Variants in RPH3A observed in about 807,000 individuals in gnomAD.
The protein encoded by RPH3A is rabphilin 3A, also known as rabphilin-3A.
RPH3A carries 48 observed loss-of-function variants against 102.2 expected under a neutral mutation model. That is an observed-to-expected ratio of 0.47 (90% CI 0.37 to 0.60). RPH3A has a LOEUF of 0.60. Among genes scored for constraint, RPH3A ranks in the 20% least tolerant of loss-of-function variants. The pLI, the probability that RPH3A is intolerant of heterozygous loss-of-function variation, is 0.00. For missense variants in RPH3A, 781 were observed against 910.1 expected, an observed-to-expected ratio of 0.86 and a Z score of 1.83; for synonymous variants, 310 against 324.3, an observed-to-expected ratio of 0.96 and a Z score of 0.47.
chr12:112,883,478 G>T (rs1700976559), intron 16 of RPH3A, 76 bp downstream of exon 16: 3 of 990,190 alleles, frequency 3.0e-6, no homozygotes, highest in South Asian at 2.6e-5. Flanking sequence ...TTGGGGTGAG[G>T]CCCCCAGGGC....
At chr12:112,726,277 G>C (rs1214518477) in intron 1 of RPH3A, among the ~76,000 whole-genome samples, 1 of 152,080 alleles carries the variant, frequency 6.6e-6, no homozygotes, top group African/African-American at 2.4e-5. Context: ...ACCACACCTA[G>C]CTAATTTTTG....
chr12:112,597,103 A>G (rs376634035), intron 1 of RPH3A, among the ~76,000 whole-genome samples: 2 of 152,302 alleles, frequency 1.3e-5, no homozygotes, highest in South Asian at 2.1e-4. Context: ...TATCTGCATA[A>G]AATCATAGGA....
At chr12:112,885,755 T>G (rs1593128548) in intron 16 of RPH3A, among the ~76,000 whole-genome samples, 1 of 152,210 alleles carries the variant, frequency 6.6e-6, no homozygotes, top group East Asian at 1.9e-4. Context: ...CCCTGTGTTA[T>G]AAACAATCAA....
rs554400645 is a variant in RPH3A at position 112,588,024 on chromosome 12, A to G, written c.-140+12705A>G. 4.5e-4 allele frequency among the ~76,000 whole-genome samples: 69 copies of G among 152,334 alleles called. No individual in the cohort carries two copies. In the South Asian group the frequency reaches 5.6e-3, roughly 12 times the overall value. On this transcript the variant is annotated intron_variant, in intron 1 of 21. Coordinates refer to the RPH3A transcript ENST00000543106. ...TTTCACAGTTCTGTGTTTCCTGCTC[A>G]TGCTAGGCACATTGAGGTGGCTGAG...
chr12:112,684,862 T>G (rs2040252213), intron 1 of RPH3A, among the ~76,000 whole-genome samples: 1 of 152,182 alleles, frequency 6.6e-6, no homozygotes, highest in South Asian at 2.1e-4. Context: ...AAGATCAAGG[T>G]GCCAGCAGAT....
intron 1 of RPH3A, among the ~76,000 whole-genome samples, chr12:112,683,741 G>T (rs2136017856): frequency 6.6e-6 from 1 of 152,134 alleles, no homozygotes; most frequent in East Asian, 1.9e-4. Flanking sequence ...CGGCCCTGGG[G>T]ATGTTAAATC....
At chr12:112,671,388 G>C (rs1369101749) in intron 1 of RPH3A, among the ~76,000 whole-genome samples, 1 of 152,110 alleles carries the variant, frequency 6.6e-6, no homozygotes, top group Non-Finnish European at 1.5e-5. Context: ...GTCTAAAATG[G>C]CTATTCCAGT....
Position 112,868,523 on chromosome 12 carries a change from C to T in RPH3A, c.538C>T (p.Pro180Ser), listed in dbSNP as rs1319310664. 2 of 1,614,174 alleles carry T rather than the reference C, an allele frequency of 1.2e-6. No individual in the cohort carries two copies. Among genetic ancestry groups the T allele is most frequent in the African/African-American group, 1.3e-5 (1 of 75,028 alleles). ...TATAAAGAAGACCAAGCCCCAGCAG[C>T]CTGTCAGTGAGCCTGCTGCCCCTGA... is the stretch of plus-strand genomic sequence containing the variant. The part of the protein sequence containing the change: ...MPIKKTKPQQ[P>S]VSEPAAPEQP... Residue 180 changes from proline (P) to serine (S), a missense_variant, in exon 8 of 22, where the codon CCT (proline) becomes TCT (serine). This residue lies in a region of RPH3A where 730 missense variants were observed against 810.0 expected (regional missense o/e 0.90). Coordinates refer to ENST00000389385, the MANE Select transcript of RPH3A (RefSeq NM_001143854.2).
intron 1 of RPH3A, among the ~76,000 whole-genome samples, chr12:112,618,536 A>C (rs2039698101): frequency 6.6e-6 from 1 of 152,162 alleles, no homozygotes; most frequent in Non-Finnish European, 1.5e-5. Context: ...CTTCCTCACA[A>C]GTACATTGCC....
intron 1 of RPH3A, among the ~76,000 whole-genome samples, chr12:112,612,089 C>T (rs1052686087): frequency 1.3e-5 from 2 of 152,186 alleles, no homozygotes; most frequent in Admixed American, 1.3e-4. Context: ...AACAAAACAG[C>T]CTTTTGCCAA....
At chr12:112,858,266 C>CAAAAAA (rs1164602599) in intron 5 of RPH3A, among the ~76,000 whole-genome samples, 121 of 44,754 alleles carry the variant, frequency 2.7e-3, no homozygotes, top group Middle Eastern at 0.037. Flanking sequence ...GACCCTGTCT[C>CAAAAAA]AAAAAAAAAA....
chr12:112,797,328 G>A (rs890064792), intron 2 of RPH3A, among the ~76,000 whole-genome samples: 12 of 152,166 alleles, frequency 7.9e-5, no homozygotes, highest in African/African-American at 2.9e-4. Context: ...AGTGAAGCAG[G>A]CTTGGTTTCT....
chr12:112,607,745 TGA>T (rs2039607588), intron 1 of RPH3A, among the ~76,000 whole-genome samples: 1 of 152,210 alleles, frequency 6.6e-6, no homozygotes, highest in Admixed American at 6.5e-5. Flanking sequence ...CAAACATCAA[TGA>T]ACCAGATTTG....
intron 1 of RPH3A, among the ~76,000 whole-genome samples, chr12:112,576,799 T>C (rs1004090195): frequency 2.0e-5 from 3 of 151,864 alleles, no homozygotes; most frequent in Non-Finnish European, 4.4e-5. Flanking sequence ...GGTCTTACTC[T>C]TGTCAGGGCC....
At chr12:112,738,001 T>A (rs1565865784) in intron 1 of RPH3A, among the ~76,000 whole-genome samples, 1 of 152,326 alleles carries the variant, frequency 6.6e-6, no homozygotes, top group East Asian at 1.9e-4. Context: ...GGAGCAGCAG[T>A]GAGGGCTGTG....
chr12:112,722,372 T>C (rs968142338), intron 1 of RPH3A, among the ~76,000 whole-genome samples: 10 of 152,210 alleles, frequency 6.6e-5, no homozygotes, highest in African/African-American at 2.4e-4. Context: ...ATTCTGGTTG[T>C]CAAAAGGCTT....
intron 4 of RPH3A, chr12:112,841,863 G>T: frequency 2.2e-6 from 1 of 450,456 alleles, no homozygotes; most frequent in South Asian, 1.6e-5. Flanking sequence ...GCCACTTAAA[G>T]TCAGCTAGGT....
intron 2 of RPH3A, among the ~76,000 whole-genome samples, chr12:112,804,099 T>C (rs879671160): frequency 1.3e-5 from 2 of 152,002 alleles, no homozygotes; most frequent in African/African-American, 2.4e-5. Context: ...AAGAGGAGAG[T>C]TGGAATTACT....
At chr12:112,817,611 T>C (rs1423967357) in intron 2 of RPH3A, among the ~76,000 whole-genome samples, 1 of 151,742 alleles carries the variant, frequency 6.6e-6, no homozygotes, top group Non-Finnish European at 1.5e-5. Context: ...GGGAAGAAAT[T>C]GGTCTTTGCT....
Sources: gnomAD v4.1 joint callset for allele counts (sites outside exome capture counted in the v4.1 genomes callset) on GRCh38, gnomAD v4.1.1 for gene constraint, gnomAD v4.1.1 regional missense constraint, MANE v1.5 for transcripts, NCBI Gene and HGNC (gene_info 2026-07-23, HGNC 2026-07-21) for gene names.